The following SGCD variants were observed in gnomAD, a reference collection of about 807,000 sequenced individuals.
SGCD encodes the protein sarcoglycan delta.
In SGCD, 18 loss-of-function variants were observed where a neutral mutation model predicts 36.6. The observed-to-expected ratio is 0.49, with a 90% confidence interval of 0.34 to 0.73. SGCD has a LOEUF of 0.73. Ranked by LOEUF, SGCD falls within the 30% of genes least tolerant of loss-of-function variation. SGCD has a pLI of 0.01. For missense variants in SGCD, 387 were observed against 346.7 expected (o/e 1.12, Z -0.92); for synonymous variants, 133 against 130.6 (o/e 1.02, Z -0.12).
chr5:155,789,250 C>A, the SGCD span, among the ~76,000 whole-genome samples: 1 of 151,834 alleles, frequency 6.6e-6, no homozygotes, highest in African/African-American at 2.4e-5. Context: ...TGTGAAGTGG[C>A]AATAGCAAAA....
the SGCD span, among the ~76,000 whole-genome samples, chr5:155,757,999 C>A: frequency 6.6e-6 from 1 of 152,094 alleles, no homozygotes; most frequent in African/African-American, 2.4e-5. Context: ...TTGCCTTCTG[C>A]CATTATTGTG....
At chr5:156,004,870 C>T (rs1334482127) in intron 1 of SGCD, among the ~76,000 whole-genome samples, 2 of 152,170 alleles carry the variant, frequency 1.3e-5, no homozygotes, top group Non-Finnish European at 2.9e-5. Flanking sequence ...CCTCTGGTTC[C>T]AGGAGTGCAC....
intron 7 of SGCD, among the ~76,000 whole-genome samples, chr5:156,655,120 T>C (rs1249095358): frequency 1.3e-5 from 2 of 152,112 alleles, no homozygotes; most frequent in African/African-American, 2.4e-5. Context: ...TTGTCAATAA[T>C]GGAAAACAAA....
intron 4 of SGCD, among the ~76,000 whole-genome samples, chr5:156,512,343 T>G (rs1561746383): frequency 6.6e-6 from 1 of 152,210 alleles, no homozygotes; most frequent in Non-Finnish European, 1.5e-5. Context: ...GTATTTTTAC[T>G]GTACTTTTTC....
intron 3 of SGCD, among the ~76,000 whole-genome samples, chr5:156,360,926 C>T (rs763841956): frequency 6.6e-6 from 1 of 152,120 alleles, no homozygotes; most frequent in Admixed American, 6.5e-5. Context: ...AAGGCTGTCA[C>T]ACCAGCCGTT....
intron 6 of SGCD, among the ~76,000 whole-genome samples, chr5:156,631,547 G>A (rs375624654): frequency 1.4e-5 from 2 of 147,536 alleles, no homozygotes; most frequent in African/African-American, 2.5e-5. Context: ...CTTCATAGAC[G>A]CTATTTTTTT....
At chr5:155,809,296 G>A in the SGCD span, among the ~76,000 whole-genome samples, 13 of 152,174 alleles carry the variant, frequency 8.5e-5, no homozygotes, top group Non-Finnish European at 1.8e-4. Flanking sequence ...ACACCTTGAA[G>A]CATTTTTATC....
chr5:156,356,129 CTA>C (rs1769480103), intron 3 of SGCD, among the ~76,000 whole-genome samples: 1 of 152,180 alleles, frequency 6.6e-6, no homozygotes, highest in African/African-American at 2.4e-5. Flanking sequence ...GTCTGATTAT[CTA>C]TTGCTACACA....
intron 1 of SGCD, among the ~76,000 whole-genome samples, chr5:155,991,341 G>A (rs1758428512): frequency 6.6e-6 from 1 of 152,102 alleles, no homozygotes; most frequent in South Asian, 2.1e-4. Flanking sequence ...GGAATATGAA[G>A]CATCTTTGTG....
intron 3 of SGCD, among the ~76,000 whole-genome samples, chr5:156,260,183 C>G (rs1298825512): frequency 6.6e-6 from 1 of 152,136 alleles, no homozygotes; most frequent in Non-Finnish European, 1.5e-5. Context: ...AATAAAATAG[C>G]ATATGTCCTC....
In SGCD at chr5:156,574,561, A is replaced by G. The variant is rs139264195; in HGVS notation, c.295-14670A>G. On this transcript the variant is annotated intron_variant, in intron 4 of 8. Transcript: ENST00000337851. ...CTCTGTGCCTCCAAAGCCCTAATTAACCACAACAGCACACCACAAAGAAAG... is the reference window on the plus strand; with the variant it reads ...CTCTGTGCCTCCAAAGCCCTAATTAGCCACAACAGCACACCACAAAGAAAG... Among the ~76,000 whole-genome samples, 190 of 152,170 alleles carry G rather than the reference A, an allele frequency of 1.2e-3. 1 individual carries two copies. Among genetic ancestry groups the G allele is most frequent in the African/African-American group, 4.2e-3 (175 of 41,510 alleles).
chr5:156,233,191 G>A (rs1765065171), intron 3 of SGCD, among the ~76,000 whole-genome samples: 1 of 152,146 alleles, frequency 6.6e-6, no homozygotes, highest in Non-Finnish European at 1.5e-5. Flanking sequence ...ATGAATGTAG[G>A]CTATATCCAC....
intron 1 of SGCD, among the ~76,000 whole-genome samples, chr5:156,030,502 C>T (rs1466331552): frequency 2.0e-5 from 3 of 152,210 alleles, no homozygotes; most frequent in Non-Finnish European, 4.4e-5. Context: ...CCTGCTAACA[C>T]ACCAACACCT....
In SGCD at chr5:156,682,857, G is replaced by C. The variant is rs535387228; in HGVS notation, c.575+35321G>C. ...CGAAGGTCTCCAAAGTATTGACATA[G>C]AATGTACACATGCACACAGTAGAAT... is the stretch of plus-strand genomic sequence containing the variant. On this transcript the variant is annotated intron_variant, in intron 7 of 8. Transcript: ENST00000337851. Among the ~76,000 whole-genome samples, 387 of 152,320 alleles carry C rather than the reference G, an allele frequency of 2.5e-3. 3 individuals carry two copies. The highest frequency in any genetic ancestry group is 9.0e-3 in the African/African-American group (376 of 41,578).
intron 1 of SGCD, among the ~76,000 whole-genome samples, chr5:155,883,793 C>CAAAAAA (rs34250962): frequency 6.2e-3 from 516 of 82,710 alleles, no homozygotes; most frequent in Middle Eastern, 9.6e-3. Flanking sequence ...CTTCAATTTG[C>CAAAAAA]AAAAAAAAAA....
chr5:156,568,061 G>A (rs1261449764), intron 4 of SGCD, among the ~76,000 whole-genome samples: 1 of 152,106 alleles, frequency 6.6e-6, no homozygotes, highest in African/African-American at 2.4e-5. Flanking sequence ...AACTTGTCCA[G>A]GTTTATATGG....
At chr5:155,759,025 A>T in the SGCD span, among the ~76,000 whole-genome samples, 3 of 150,030 alleles carry the variant, frequency 2.0e-5, no homozygotes, top group East Asian at 5.8e-4. Context: ...TTTTTTTTTT[A>T]GAGTCAAGAT....
At chr5:156,227,448 A>G (rs249872) in intron 3 of SGCD, among the ~76,000 whole-genome samples, 38,879 of 151,926 alleles carry the variant, frequency 0.26, 5,512 homozygotes, top group Non-Finnish European at 0.31. Flanking sequence ...CTATTCTGTT[A>G]TATTGGTCTA....
intron 7 of SGCD, among the ~76,000 whole-genome samples, chr5:156,727,630 C>T (rs1417756356): frequency 6.6e-6 from 1 of 152,160 alleles, no homozygotes; most frequent in Admixed American, 6.5e-5. Flanking sequence ...AATTCTTAAG[C>T]ACTCTGGAAA....
Sources: allele counts gnomAD v4.1 joint callset (sites outside exome capture counted in the v4.1 genomes callset), GRCh38; gene constraint gnomAD v4.1.1; transcripts MANE v1.5; gene names NCBI Gene and HGNC (gene_info 2026-07-23, HGNC 2026-07-21).